The following KIF5A variants were observed in gnomAD, a reference collection of about 807,000 sequenced individuals.
KIF5A encodes the protein kinesin family member 5A.
Under a neutral mutation model 141.3 loss-of-function variants are expected in KIF5A, and 35 were observed. The ratio of observed to expected loss-of-function variants is 0.25; its 90% confidence interval spans 0.19 to 0.33. KIF5A has a LOEUF of 0.33. KIF5A is among the 10% of genes least tolerant of loss of function. The pLI is 1.00. For missense variants in KIF5A, 861 were observed against 1,314.3 expected, an observed-to-expected ratio of 0.66 and a Z score of 5.33; for synonymous variants, 448 against 500.2, an observed-to-expected ratio of 0.90 and a Z score of 1.39.
intron 1 of KIF5A, among the ~76,000 whole-genome samples, chr12:57,559,533 T>C (rs1473565434): frequency 6.6e-6 from 1 of 152,202 alleles, no homozygotes; most frequent in Non-Finnish European, 1.5e-5. Flanking sequence ...GATGTTATAA[T>C]TTATGATAGT....
chr12:57,574,950 A>G, intron 15 of KIF5A, 134 bp from the exon 16 acceptor site: 1 of 767,704 alleles, frequency 1.3e-6, no homozygotes, highest in Middle Eastern at 3.1e-4. Context: ...GAGCTGCTAA[A>G]GGTCGTTTGG....
Position 57,570,096 on chromosome 12 carries a change from C to A in KIF5A, c.1227C>A (p.Ile409=), listed in dbSNP as rs775172912. ...ACAACTCATCCATCGTGGTGCGCAT[C>A]GCGCCCGAGGAGCGGCAGAAATACG... The part of the protein sequence containing the change: ...VNDNSSIVVR[I]APEERQKYEE... Residue 409 remains isoleucine (I), a synonymous_variant, in exon 12 of 29, where the codon ATC becomes ATA. Coordinates refer to ENST00000455537, the MANE Select transcript of KIF5A (RefSeq NM_004984.4). 6.2e-7 allele frequency: 1 copy of A among 1,614,054 alleles called. No homozygotes were observed. Among genetic ancestry groups the A allele is most frequent in the Non-Finnish European group, 8.5e-7 (1 of 1,180,032 alleles).
intron 6 of KIF5A, among the ~76,000 whole-genome samples, chr12:57,566,495 C>T (rs1882069390): frequency 6.6e-6 from 1 of 151,918 alleles, no homozygotes; most frequent in African/African-American, 2.4e-5. Flanking sequence ...ACTGCAACCT[C>T]AGCCTCCCGA....
At chr12:57,581,748 T>A in intron 25 of KIF5A, 122 bp from the exon 26 acceptor site, 1 of 1,228,096 alleles carries the variant, frequency 8.1e-7, no homozygotes, top group Non-Finnish European at 1.2e-6. Context: ...TTTGTTTTCC[T>A]CTGCTCTCTG....
At chr12:57,581,611 C>G in intron 25 of KIF5A, 43 bp downstream of exon 25, 1 of 1,608,454 alleles carries the variant, frequency 6.2e-7, no homozygotes, top group Non-Finnish European at 8.5e-7. Flanking sequence ...CCCAAAGCTC[C>G]CTGGACCCTA....
rs202092912 is a variant in KIF5A, at chr12:57,569,523, C to T, written c.969-12C>T. 1.2e-6 allele frequency: 2 copies of T among 1,614,116 alleles called. No homozygotes were observed. The highest frequency in any genetic ancestry group is 1.3e-5 in the African/African-American group (1 of 75,030). On this transcript the variant is annotated splice_polypyrimidine_tract_variant and intron_variant, in intron 10 of 28. Coordinates refer to ENST00000455537, the MANE Select transcript of KIF5A (RefSeq NM_004984.4). ...TTGCTCTCATTTCTTTGTTCCTCTT[C>T]TCCTCACCCAGGGCAAAGACCATTA...
At position 57,572,125 on chromosome 12, in the gene KIF5A, A is replaced by G; in HGVS notation, c.1427A>G (p.Glu476Gly). The G allele has an allele frequency of 6.2e-7, 1 of 1,614,176 alleles. No individual in the cohort carries two copies. Among genetic ancestry groups the G allele is most frequent in the Non-Finnish European group, 8.5e-7 (1 of 1,180,036 alleles). The change falls in exon 14 of 29, where the codon GAG (glutamate) becomes GGG (glycine). Residue 476 changes from glutamate (E) to glycine (G), a missense_variant. This residue lies in a region of KIF5A where 167 missense variants were observed against 192.0 expected (regional missense o/e 0.87). Transcript: ENST00000455537. This position sits in a 1 kb window ranked among gnomAD's most constrained non-coding sequence, Gnocchi z 4.2. The stretch of plus-strand genomic sequence containing the variant: ...CGGGAGCTGAGCCACCTGCAATCAG[A>G]GAACGATGCCGCTAAGGATGAGGTG... ...VQRELSHLQS[E>G]NDAAKDEVKE...
At chr12:57,564,436 C>A in intron 4 of KIF5A, 24 bp from the exon 5 acceptor site, 1 of 1,588,808 alleles carries the variant, frequency 6.3e-7, no homozygotes, top group Non-Finnish European at 8.6e-7. Context: ...CTTTACTTCA[C>A]ACTCCTTCTT....
chr12:57,560,768 G>C (rs1881883827), intron 1 of KIF5A, among the ~76,000 whole-genome samples: 1 of 152,126 alleles, frequency 6.6e-6, no homozygotes, highest in South Asian at 2.1e-4. Flanking sequence ...TTGGGAGGCT[G>C]AGGTGGGTGG....
At position 57,575,277 on chromosome 12, in the gene KIF5A, G is replaced by A; in HGVS notation, c.1905+5G>A. The A allele has an allele frequency of 6.2e-7, 1 of 1,612,450 alleles. No individual in the cohort carries two copies. Among genetic ancestry groups the A allele is most frequent in the Non-Finnish European group, 8.5e-7 (1 of 1,179,346 alleles). On this transcript the variant is annotated splice_donor_5th_base_variant and intron_variant, in intron 16 of 28. Transcript: ENST00000455537. ...TGCCAGCTCCTCATCTCTCAGGTGA[G>A]TGCCTAAGTTTGAGAACCTTCAGAT... is the stretch of plus-strand genomic sequence containing the variant.
chr12:57,572,682 C>T lies in KIF5A; in HGVS notation c.1672C>T (p.Leu558=). 1.2e-6 allele frequency: 2 copies of T among 1,614,218 alleles called. No individual in the cohort carries two copies. The highest frequency in any genetic ancestry group is 1.7e-6 in the Non-Finnish European group (2 of 1,180,036). ...GGTGCTGAACGGGCTGATGAAGGAT[C>T]TGAGCGAGTTCAGTGTCATTGTGGG... ...AEVLNGLMKD[L]SEFSVIVGNG... is the part of the protein sequence containing the mutation. Residue 558 remains leucine, a synonymous_variant, in exon 15 of 29, where the codon CTG becomes TTG. Transcript: ENST00000455537. This position sits in a 1 kb window ranked among gnomAD's most constrained non-coding sequence, Gnocchi z 4.2.
intron 23 of KIF5A, among the ~76,000 whole-genome samples, chr12:57,579,627 A>G (rs1882534554): frequency 6.6e-6 from 1 of 152,184 alleles, no homozygotes; most frequent in African/African-American, 2.4e-5. Flanking sequence ...ACTGAGTAAC[A>G]AAATTATAGA....
intron 1 of KIF5A, among the ~76,000 whole-genome samples, chr12:57,556,111 T>G (rs1881733114): frequency 6.6e-6 from 1 of 150,908 alleles, no homozygotes; most frequent in Non-Finnish European, 1.5e-5. Flanking sequence ...CTCAGGAGAT[T>G]ACTAAATGCA....
Position 57,581,909 on chromosome 12 carries a change from TGGC to T in KIF5A, c.2953_2955del (p.Gly985del). 1 of 1,614,146 alleles carries T rather than the reference TGGC, an allele frequency of 6.2e-7. No homozygotes were observed. Among genetic ancestry groups the T allele is most frequent in the Admixed American group, 1.7e-5 (1 of 60,022 alleles). On this transcript the variant is annotated inframe_deletion, in exon 26 of 29. Transcript: ENST00000455537. ...GTACCAGCAGTGGAGCCACATCTTC[TGGC>T]GGCCCCTTGGCTTCCTACCAGAAGG...
intron 1 of KIF5A, among the ~76,000 whole-genome samples, chr12:57,553,270 T>C (rs1356620646): frequency 3.3e-5 from 5 of 152,176 alleles, no homozygotes; most frequent in Non-Finnish European, 2.9e-5. Flanking sequence ...ACACACACTC[T>C]TTCTCTTTCC....
At chr12:57,553,821 C>T (rs1014876958) in intron 1 of KIF5A, among the ~76,000 whole-genome samples, 3 of 152,134 alleles carry the variant, frequency 2.0e-5, no homozygotes, top group Admixed American at 1.3e-4. Flanking sequence ...CTGTGGGACT[C>T]TGAAGAGAGG....
intron 23 of KIF5A, among the ~76,000 whole-genome samples, chr12:57,579,606 T>G (rs1380995498): frequency 1.3e-5 from 2 of 152,200 alleles, no homozygotes; most frequent in Non-Finnish European, 2.9e-5. Context: ...TTTTATTTCC[T>G]TTATTATGAA....
intron 1 of KIF5A, among the ~76,000 whole-genome samples, chr12:57,554,656 G>T (rs550520976): frequency 1.3e-5 from 2 of 152,250 alleles, no homozygotes; most frequent in East Asian, 3.9e-4. Context: ...GATATATTTG[G>T]CTAACAGTTC....
intron 8 of KIF5A, among the ~76,000 whole-genome samples, chr12:57,568,691 C>G (rs1882146902): frequency 6.6e-6 from 1 of 151,508 alleles, no homozygotes; most frequent in Admixed American, 6.6e-5. Flanking sequence ...CACCATTGCA[C>G]TCCAGCCTGC....
Sources: allele counts gnomAD v4.1 joint callset (sites outside exome capture counted in the v4.1 genomes callset), GRCh38; gene constraint gnomAD v4.1.1; regional missense constraint gnomAD v4.1.1; non-coding constraint Gnocchi (gnomAD v3.1); transcripts MANE v1.5; gene names NCBI Gene and HGNC (gene_info 2026-07-23, HGNC 2026-07-21).